The following SLC27A2 variants were observed in gnomAD, a reference collection of about 807,000 sequenced individuals.
The protein encoded by SLC27A2 is solute carrier family 27 member 2.
A neutral mutation model predicts 60.0 loss-of-function variants in SLC27A2; 54 were observed. That is an observed-to-expected ratio of 0.90 (90% confidence interval 0.72 to 1.13). The LOEUF (loss-of-function observed/expected upper bound fraction) is 1.13, where lower values mean the gene tolerates loss of function less well. Among genes scored for constraint, SLC27A2 ranks in the 50% most tolerant of loss-of-function variants. SLC27A2 has a pLI of 0.00. For synonymous variants in SLC27A2, 297 were observed against 297.6 expected, an observed-to-expected ratio of 1.00 and a Z score of 0.02; for missense variants, 739 against 777.6, an observed-to-expected ratio of 0.95 and a Z score of 0.59.
chr15:50,236,112 T>TAAC lies in SLC27A2; in HGVS notation c.*17_*19dup, dbSNP rs2045350345. 3 of 1,540,252 alleles carry TAAC rather than the reference T, an allele frequency of 1.9e-6. No homozygotes were observed. Among genetic ancestry groups the TAAC allele is most frequent in the Non-Finnish European group, 2.6e-6 (3 of 1,135,478 alleles). ...GAAACTCTGAATATTCCCAGGAGGA[T>TAAC]AACTCAACATTTCCAGAAAGAAACT... On this transcript the variant is annotated 3_prime_UTR_variant, in exon 10 of 10. Coordinates refer to ENST00000267842, the MANE Select transcript of SLC27A2 (RefSeq NM_003645.4).
chr15:50,235,865 C>A, intron 9 of SLC27A2, 55 bp from the exon 10 acceptor site: 1 of 1,454,728 alleles, frequency 6.9e-7, no homozygotes, highest in Non-Finnish European at 9.4e-7. Context: ...CCTTGCTCTG[C>A]ATCCTAATCT....
chr15:50,185,451 C>G (rs1230571205), intron 1 of SLC27A2, among the ~76,000 whole-genome samples: 1 of 151,740 alleles, frequency 6.6e-6, no homozygotes, highest in Non-Finnish European at 1.5e-5. Context: ...TAAACATGCC[C>G]ATGGGAAAAT....
rs754741833 is a variant in SLC27A2, at chr15:50,182,447, C to G, written c.20C>G (p.Thr7Arg). The G allele has an allele frequency of 2.5e-6, 4 of 1,605,206 alleles. No homozygotes were observed. ...GCCGTCATGCTTTCCGCCATCTACA[C>G]AGTCCTGGCGGGACTGCTGTTCCTG... MLSAIY[T>R]VLAGLLFLPL... is the part of the protein sequence containing the mutation. The change falls in exon 1 of 10, where the codon ACA becomes AGA. Residue 7 changes from threonine (T) to arginine (R), a missense_variant. Transcript: ENST00000267842.
At position 50,192,292 on chromosome 15, in the gene SLC27A2, TC is replaced by T. The variant is rs34766831; in HGVS notation, c.479-5207del. Among the ~76,000 whole-genome samples, 561 of 152,170 alleles carry T rather than the reference TC, an allele frequency of 3.7e-3. 2 individuals carry two copies. Among genetic ancestry groups the T allele is most frequent in the Middle Eastern group, 0.017 (5 of 294 alleles). On this transcript the variant is annotated intron_variant, in intron 1 of 9. Transcript: ENST00000267842. ...AACTCAAGTCTGCCCAAATAACAAA[TC>T]TACACCAACAGCCTAGAGGAGATGG...
rs577766814 is a variant in SLC27A2 at position 50,183,994 on chromosome 15, C to CTTTTTT, written c.478+1102_478+1107dup. On this transcript the variant is annotated intron_variant, in intron 1 of 9. Transcript: ENST00000267842. ...TTCGAAGCCATGCTCTTTCCTACAT[C>CTTTTTT]TTTTTTTTTTTTTTTTTTGACAGTC... Among the ~76,000 whole-genome samples the CTTTTTT allele has an allele frequency of 4.1e-4, 37 of 91,166 alleles. 6 individuals carry two copies. Among genetic ancestry groups the CTTTTTT allele is most frequent in the East Asian group, 1.3e-3 (3 of 2,378 alleles). The allele number at this position is 91,166 out of a possible 152,430, so 59.8% of individuals were successfully genotyped here.
chr15:50,230,016 A>C (rs2045306200), intron 8 of SLC27A2, among the ~76,000 whole-genome samples: 2 of 151,880 alleles, frequency 1.3e-5, no homozygotes, highest in Non-Finnish European at 2.9e-5. Flanking sequence ...CGGGCAGATC[A>C]TGAGGTCAGG....
intron 5 of SLC27A2, 98 bp from the exon 6 acceptor site, chr15:50,225,890 T>A (rs8024292): frequency 0.17 from 132,252 of 782,816 alleles, 12,908 homozygotes; most frequent in African/African-American, 0.36. Flanking sequence ...GCAAAATTTC[T>A]TCAACCTGTA....
intron 5 of SLC27A2, among the ~76,000 whole-genome samples, chr15:50,225,027 G>A (rs1204307309): frequency 3.3e-5 from 5 of 151,640 alleles, no homozygotes; most frequent in African/African-American, 1.2e-4. Flanking sequence ...AAAACCGGAT[G>A]ATCCCATGCA....
intron 4 of SLC27A2, among the ~76,000 whole-genome samples, chr15:50,208,482 A>G (rs2045130435): frequency 6.6e-6 from 1 of 152,228 alleles, no homozygotes; most frequent in Non-Finnish European, 1.5e-5. Flanking sequence ...GGGGTCTATG[A>G]AGACAACCTG....
Position 50,214,039 on chromosome 15 carries a change from A to G in SLC27A2, c.972+8676A>G, listed in dbSNP as rs191360128. On this transcript the variant is annotated intron_variant, in intron 4 of 9. Transcript: ENST00000267842. ...ATGAAACAAAAAGCTGGTTCTTTGA[A>G]AAGATAAAATTGATAGACCATTAGT... Among the ~76,000 whole-genome samples, 703 of 152,232 alleles carry G rather than the reference A, an allele frequency of 4.6e-3. 3 individuals are homozygous for G. Among genetic ancestry groups the G allele is most frequent in the African/African-American group, 0.016 (671 of 41,568 alleles).
At chr15:50,212,524 C>CT (rs1431024193) in intron 4 of SLC27A2, among the ~76,000 whole-genome samples, 2 of 152,196 alleles carry the variant, frequency 1.3e-5, no homozygotes, top group African/African-American at 4.8e-5. Context: ...AGGAAAGAAT[C>CT]TTAAGAGCTG....
At chr15:50,221,272 T>C (rs1272635221) in intron 4 of SLC27A2, among the ~76,000 whole-genome samples, 1 of 151,956 alleles carries the variant, frequency 6.6e-6, no homozygotes, top group Non-Finnish European at 1.5e-5. Context: ...AAAAGGCTTC[T>C]CAGGCAGCTC....
Position 50,205,145 on chromosome 15 carries a change from T to C in SLC27A2, c.848-94T>C. 5 of 1,421,816 alleles carry C rather than the reference T, an allele frequency of 3.5e-6. No homozygotes were observed. The South Asian group carries it at 7.2e-5, about 20-fold the overall frequency. The allele number at this position is 1,421,816 out of a possible 1,614,324, so 88.1% of individuals were successfully genotyped here. On this transcript the variant is annotated intron_variant, in intron 3 of 9. Coordinates refer to ENST00000267842, the MANE Select transcript of SLC27A2 (RefSeq NM_003645.4). ...CTTGTTTGCAAATATAATTTATTTT[T>C]AAATTTCTACCGTTCAAAGTTGACA...
In SLC27A2 at chr15:50,184,562, G is replaced by A. The variant is rs377176917; in HGVS notation, c.478+1657G>A. ...CAGAAAGCCAAATTTTAGGCTGGGC[G>A]CAGTGGCTCAAGCCTGTAATCCCAG... On this transcript the variant is annotated intron_variant, in intron 1 of 9. Transcript: ENST00000267842. Among the ~76,000 whole-genome samples the A allele has an allele frequency of 2.8e-3, 425 of 152,180 alleles. 1 individual carries two copies. The highest frequency in any genetic ancestry group is 0.01 in the Middle Eastern group (3 of 294).
intron 1 of SLC27A2, among the ~76,000 whole-genome samples, chr15:50,186,689 G>A (rs1020573475): frequency 1.1e-4 from 17 of 152,092 alleles, no homozygotes; most frequent in African/African-American, 3.9e-4. Flanking sequence ...CACCTGCCTC[G>A]TCCTCCCAAA....
chr15:50,196,070 AAAAAAAAATATATATATAT>A (rs1428621373), intron 1 of SLC27A2, among the ~76,000 whole-genome samples: 13 of 23,488 alleles, frequency 5.5e-4, no homozygotes, highest in African/African-American at 1.9e-3. Context: ...AAAAAAAAAA[AAAAAAAAATATATATATAT>A]ATATATATAT....
intron 2 of SLC27A2, among the ~76,000 whole-genome samples, chr15:50,200,743 C>G (rs1830018175): frequency 1.3e-5 from 2 of 151,570 alleles, no homozygotes; most frequent in Non-Finnish European, 2.9e-5. Flanking sequence ...CATACACTTA[C>G]AGAAGAAAAT....
At chr15:50,191,101 C>T (rs2044969748) in intron 1 of SLC27A2, 1 of 152,186 alleles carries the variant, frequency 6.6e-6, no homozygotes, top group Middle Eastern at 3.1e-3. Flanking sequence ...CATACACTGA[C>T]TTGGTGAGCC....
rs1052296971 is a variant in SLC27A2 at position 50,221,886 on chromosome 15, C to T, written c.973-1079C>T. 5.2e-5 allele frequency: 8 copies of T among 154,036 alleles called. No homozygotes were observed. The East Asian group carries it at 1.3e-3, about 25-fold the overall frequency. The allele number at this position is 154,036 out of a possible 1,614,324, so 9.5% of individuals were successfully genotyped here. On this transcript the variant is annotated intron_variant, in intron 4 of 9. Transcript: ENST00000267842. ...TAACATAAGATATTAAAACCATCAC[C>T]GGGCTGGTCTGAAGGTAGTGAGTTA...
Sources: gnomAD v4.1 joint callset for allele counts (sites outside exome capture counted in the v4.1 genomes callset) on GRCh38, gnomAD v4.1.1 for gene constraint, MANE v1.5 for transcripts, NCBI Gene and HGNC (gene_info 2026-07-23, HGNC 2026-07-21) for gene names.